DIAPH2: variants seen among roughly 807,000 people sequenced by gnomAD.
DIAPH2 encodes the protein protein diaphanous homolog 2.
In DIAPH2, 35 loss-of-function variants were observed where a neutral mutation model predicts 92.7. The observed-to-expected ratio is 0.38, with a 90% confidence interval of 0.29 to 0.50. The LOEUF is 0.50. Among genes scored for constraint, DIAPH2 ranks in the 20% least tolerant of loss-of-function variants. DIAPH2 has a pLI of 0.94. For missense variants in DIAPH2, 701 were observed against 819.5 expected, an observed-to-expected ratio of 0.86 and a Z score of 1.77; for synonymous variants, 301 against 280.4, an observed-to-expected ratio of 1.07 and a Z score of -0.73.
chrX:96,756,430 A>G (rs1174369353), intron 3 of DIAPH2, among the ~76,000 whole-genome samples: 1 of 112,001 alleles, frequency 8.9e-6, no homozygotes, highest in African/African-American at 3.3e-5. Flanking sequence ...TGATTTCAAG[A>G]TTCATCCAGG....
At chrX:97,005,206 T>C (rs1471902945) in intron 17 of DIAPH2, among the ~76,000 whole-genome samples, 1 of 111,861 alleles carries the variant, frequency 8.9e-6, no homozygotes, top group Non-Finnish European at 1.9e-5. Flanking sequence ...GCTGTTATTT[T>C]GCTGAGGATT....
intron 4 of DIAPH2, among the ~76,000 whole-genome samples, chrX:96,827,958 C>T (rs948247585): frequency 1.7e-4 from 19 of 111,658 alleles, no homozygotes; most frequent in South Asian, 3.8e-4. Context: ...TTAATAGACA[C>T]GAGGTTTCAC....
chrX:97,037,951 A>G (rs1454957107), intron 17 of DIAPH2, among the ~76,000 whole-genome samples: 2 of 111,473 alleles, frequency 1.8e-5, no homozygotes, highest in African/African-American at 3.3e-5. Flanking sequence ...TAGTATATAC[A>G]TCACACAGAT....
intron 17 of DIAPH2, among the ~76,000 whole-genome samples, chrX:96,965,756 G>A (rs1450865334): frequency 9.0e-6 from 1 of 111,582 alleles, no homozygotes; most frequent in African/African-American, 3.2e-5. Context: ...ATAATAGAGT[G>A]CTTTGTTTAT....
intron 26 of DIAPH2, among the ~76,000 whole-genome samples, chrX:97,516,316 TTACTGAAGAAA>T (rs1394730864): frequency 8.9e-6 from 1 of 111,885 alleles, no homozygotes; most frequent in Non-Finnish European, 1.9e-5. Flanking sequence ...CAATAGGTAT[TTACTGAAGAAA>T]TACTATGTGC....
At chrX:97,167,132 C>T (rs1043771373) in intron 22 of DIAPH2, among the ~76,000 whole-genome samples, 2 of 111,506 alleles carry the variant, frequency 1.8e-5, no homozygotes, top group Non-Finnish European at 3.8e-5. Context: ...CCCCCTCCAC[C>T]AAGTCTTTTG....
At chrX:97,353,195 G>C (rs1336219307) in intron 24 of DIAPH2, among the ~76,000 whole-genome samples, 1 of 110,544 alleles carries the variant, frequency 9.0e-6, no homozygotes, top group Non-Finnish European at 1.9e-5. Flanking sequence ...CATCTTTTTT[G>C]CTTATTCTCC....
In DIAPH2 at chrX:96,985,007, G is replaced by A. The variant is rs760025521; in HGVS notation, c.2050+19800G>A. ...AGTGACTTAGCTAAAGGTTACAAGC[G>A]TAACAGATAAGAAAGCTGAGTTCCC... is the stretch of plus-strand genomic sequence containing the variant. On this transcript the variant is annotated intron_variant, in intron 17 of 26. Transcript: ENST00000324765. Among the ~76,000 whole-genome samples the A allele has an allele frequency of 3.6e-5, 4 of 111,648 alleles. No homozygotes were observed. The South Asian group carries it at 1.1e-3, about 31-fold the overall frequency.
At chrX:96,803,656 C>T (rs183461753) in intron 4 of DIAPH2, among the ~76,000 whole-genome samples, 107 of 112,447 alleles carry the variant, frequency 9.5e-4, no homozygotes, top group African/African-American at 3.3e-3. Flanking sequence ...CGATCTTTTT[C>T]TTAGAACTCA....
At chrX:97,446,344 A>C (rs2070310401) in intron 26 of DIAPH2, among the ~76,000 whole-genome samples, 1 of 111,893 alleles carries the variant, frequency 8.9e-6, no homozygotes, top group Non-Finnish European at 1.9e-5. Context: ...AAAAGGAAAA[A>C]ATTCTGTATT....
At chrX:97,486,088 A>G (rs144862507) in intron 26 of DIAPH2, among the ~76,000 whole-genome samples, 2,413 of 111,167 alleles carry the variant, frequency 0.022, 66 homozygotes, top group African/African-American at 0.075. Flanking sequence ...TTCAAGAAAA[A>G]TAAACTGCAT....
At chrX:96,869,684 A>G (rs1377230385) in intron 4 of DIAPH2, among the ~76,000 whole-genome samples, 1 of 110,456 alleles carries the variant, frequency 9.1e-6, no homozygotes, top group Non-Finnish European at 1.9e-5. Context: ...GTGAACAGAA[A>G]CTAATAACTT....
At chrX:96,772,777 C>T (rs2064347486) in intron 4 of DIAPH2, among the ~76,000 whole-genome samples, 1 of 112,584 alleles carries the variant, frequency 8.9e-6, no homozygotes, top group Admixed American at 9.4e-5. Flanking sequence ...TTATGCTGAT[C>T]TGTTTGTAAA....
At chrX:96,877,783 T>G (rs1349465337) in intron 4 of DIAPH2, among the ~76,000 whole-genome samples, 1 of 112,154 alleles carries the variant, frequency 8.9e-6, no homozygotes, top group Non-Finnish European at 1.9e-5. Context: ...TGGCCCAAAC[T>G]ACCTTTTGAT....
At chrX:97,250,610 C>T (rs2068181115) in intron 23 of DIAPH2, among the ~76,000 whole-genome samples, 1 of 112,001 alleles carries the variant, frequency 8.9e-6, no homozygotes, top group Non-Finnish European at 1.9e-5. Context: ...CTCTGTCTTG[C>T]TGTTCCCATG....
chrX:97,256,570 T>A (rs1204409420), intron 23 of DIAPH2, among the ~76,000 whole-genome samples: 1 of 112,368 alleles, frequency 8.9e-6, no homozygotes, highest in Non-Finnish European at 1.9e-5. Context: ...TATTTCTAGT[T>A]AGGATGTGTT....
chrX:97,166,672 T>C (rs756336871), intron 22 of DIAPH2, among the ~76,000 whole-genome samples: 63 of 86,895 alleles, frequency 7.3e-4, no homozygotes, highest in African/African-American at 2.1e-3. Flanking sequence ...CAGAAGAACA[T>C]GTAATAGATA....
intron 19 of DIAPH2, among the ~76,000 whole-genome samples, chrX:97,079,085 G>T (rs1207856096): frequency 9.0e-6 from 1 of 110,656 alleles, no homozygotes; most frequent in African/African-American, 3.3e-5. Flanking sequence ...GTTTTATTTG[G>T]CCTTTCTAGT....
rs142675905 is a variant in DIAPH2 at position 97,156,135 on chromosome X, A to G, written c.2719+14341A>G. Among the ~76,000 whole-genome samples, 248 of 112,375 alleles carry G rather than the reference A, an allele frequency of 2.2e-3. 2 individuals are homozygous for G. Among genetic ancestry groups the G allele is most frequent in the African/African-American group, 7.7e-3 (240 of 31,028 alleles). On this transcript the variant is annotated intron_variant, in intron 22 of 26. Transcript: ENST00000324765. ...AGTGAGCCAAATGCCAGTGCAGCTA[A>G]TTGGTTTACTTGGGAAATGCTATTC...
Sources: gnomAD v4.1 joint callset for allele counts (sites outside exome capture counted in the v4.1 genomes callset) on GRCh38, gnomAD v4.1.1 for gene constraint, MANE v1.5 for transcripts, NCBI Gene and HGNC (gene_info 2026-07-23, HGNC 2026-07-21) for gene names.